The following TMEM245 variants were observed in gnomAD, a reference collection of about 807,000 sequenced individuals.
TMEM245 encodes protein CG-2.
A neutral mutation model predicts 101.2 loss-of-function variants in TMEM245; 69 were observed. That is an observed-to-expected ratio of 0.68 (90% CI 0.56 to 0.83). TMEM245 has a LOEUF of 0.83. Ranked by LOEUF, TMEM245 falls within the 40% of genes least tolerant of loss-of-function variation. The pLI is 0.00. For synonymous variants in TMEM245, 537 were observed against 449.8 expected, an observed-to-expected ratio of 1.19 and a Z score of -2.45; for missense variants, 1,075 against 1,092.8, an observed-to-expected ratio of 0.98 and a Z score of 0.23.
intron 1 of TMEM245, among the ~76,000 whole-genome samples, chr9:109,111,619 T>C (rs1446786423): frequency 2.0e-5 from 3 of 152,200 alleles, no homozygotes; most frequent in Admixed American, 2.0e-4. Context: ...AGAAGCACAC[T>C]GTGCAGACAC....
chr9:109,018,210 T>A lies in TMEM245; in HGVS notation c.*2250A>T, dbSNP rs532247302. ...ATTGTATATATTTGTCTCTTATGAA[T>A]ATGTGCTAATTACATCTATAAATCA... is the stretch of plus-strand genomic sequence containing the variant. On this transcript the variant is annotated 3_prime_UTR_variant, in exon 18 of 18. Transcript: ENST00000374586. 6.6e-6 allele frequency: 1 copy of A among 152,380 alleles called. No individual in the cohort carries two copies. Among genetic ancestry groups the A allele is most frequent in the African/African-American group, 2.4e-5 (1 of 41,602 alleles). The allele number at this position is 152,380 out of a possible 1,614,324, so 9.4% of individuals were successfully genotyped here. A position where few individuals can be genotyped will look rare whatever the true frequency, so the allele number is the denominator to read the frequency against.
At chr9:109,110,223 T>C (rs1830532799) in intron 1 of TMEM245, among the ~76,000 whole-genome samples, 1 of 152,078 alleles carries the variant, frequency 6.6e-6, no homozygotes, top group Non-Finnish European at 1.5e-5. Flanking sequence ...AAAATCTGAG[T>C]ACAATAATAG....
intron 17 of TMEM245, among the ~76,000 whole-genome samples, chr9:109,028,797 G>A (rs965537791): frequency 4.6e-5 from 7 of 152,110 alleles, no homozygotes; most frequent in African/African-American, 1.4e-4. Flanking sequence ...GCCTCTAGGA[G>A]CCATGAGCCT....
intron 17 of TMEM245, among the ~76,000 whole-genome samples, chr9:109,032,906 C>A (rs946764866): frequency 1.4e-5 from 2 of 144,492 alleles, no homozygotes; most frequent in Admixed American, 1.4e-4. Flanking sequence ...TCAAGCAATT[C>A]TTCTGCCTCA....
intron 14 of TMEM245, among the ~76,000 whole-genome samples, chr9:109,040,201 C>T (rs996421408): frequency 6.6e-6 from 1 of 152,140 alleles, no homozygotes; most frequent in East Asian, 1.9e-4. Context: ...AATATATTCC[C>T]CTCTACCTCA....
At chr9:109,092,785 A>C (rs1328888544) in intron 4 of TMEM245, among the ~76,000 whole-genome samples, 1 of 152,224 alleles carries the variant, frequency 6.6e-6, no homozygotes, top group African/African-American at 2.4e-5. Context: ...GCAAGAGTAC[A>C]GCATGACTCT....
At chr9:109,059,320 T>C (rs1037036066) in intron 11 of TMEM245, among the ~76,000 whole-genome samples, 1 of 152,104 alleles carries the variant, frequency 6.6e-6, no homozygotes, top group African/African-American at 2.4e-5. Flanking sequence ...CAAATTCAAA[T>C]TTAAAATCAG....
chr9:109,042,839 A>AT (rs754295748), intron 14 of TMEM245, among the ~76,000 whole-genome samples: 7,739 of 114,994 alleles, frequency 0.067, 418 homozygotes, highest in East Asian at 0.15. Flanking sequence ...ATAGCTGACA[A>AT]TTTTTTTTTT....
chr9:109,040,014 T>C (rs1828255685), intron 14 of TMEM245, among the ~76,000 whole-genome samples: 1 of 152,276 alleles, frequency 6.6e-6, no homozygotes, highest in East Asian at 1.9e-4. Context: ...CCCCTCTGGG[T>C]GGCAAGTAAC....
At chr9:109,041,376 A>G (rs1309615893) in intron 14 of TMEM245, among the ~76,000 whole-genome samples, 1 of 151,860 alleles carries the variant, frequency 6.6e-6, no homozygotes, top group Non-Finnish European at 1.5e-5. Context: ...CACAGCACAG[A>G]TAGACAAATA....
chr9:109,049,516 TTTTTTTG>T (rs1452529979), intron 14 of TMEM245, among the ~76,000 whole-genome samples: 1 of 152,108 alleles, frequency 6.6e-6, no homozygotes, highest in East Asian at 1.9e-4. Flanking sequence ...GCCCAGTCTG[TTTTTTTG>T]TTTTTTAAGA....
At chr9:109,042,451 T>A (rs1465267895) in intron 14 of TMEM245, 2 of 152,384 alleles carry the variant, frequency 1.3e-5, no homozygotes, top group Non-Finnish European at 2.9e-5. Flanking sequence ...CTGGTTGTGA[T>A]CATTTAGTTG....
chr9:109,038,671 T>TTAC (rs1828211943), intron 14 of TMEM245: 2 of 152,154 alleles, frequency 1.3e-5, no homozygotes, highest in African/African-American at 4.8e-5. Flanking sequence ...TTACAAATGC[T>TTAC]ATCAAAGAAA....
At chr9:109,085,212 CCTT>C (rs1169078317) in intron 7 of TMEM245, among the ~76,000 whole-genome samples, 1 of 152,196 alleles carries the variant, frequency 6.6e-6, no homozygotes, top group Non-Finnish European at 1.5e-5. Context: ...CTCAAACAAT[CCTT>C]CTGCCCTAGC....
At chr9:109,036,418 C>T (rs1175680977) in intron 15 of TMEM245, 38 bp from the exon 16 acceptor site, 2 of 1,526,318 alleles carry the variant, frequency 1.3e-6, no homozygotes, top group Non-Finnish European at 1.8e-6. Context: ...TTAACATCAT[C>T]AGCAAAACAC....
chr9:109,105,802 C>T (rs1442743302), intron 3 of TMEM245, among the ~76,000 whole-genome samples: 8 of 151,938 alleles, frequency 5.3e-5, no homozygotes, highest in Admixed American at 3.3e-4. Flanking sequence ...GACGGAGTCT[C>T]GCTCTGTTGC....
chr9:109,087,365 T>A (rs1255261495), intron 5 of TMEM245, 23 bp from the exon 6 acceptor site: 1 of 1,565,586 alleles, frequency 6.4e-7, no homozygotes, highest in Non-Finnish European at 8.6e-7. Context: ...AAAAAATACA[T>A]ATATAAACAA....
chr9:109,034,478 G>A (rs1055940926), intron 16 of TMEM245, among the ~76,000 whole-genome samples: 2 of 151,864 alleles, frequency 1.3e-5, no homozygotes, highest in South Asian at 2.1e-4. Context: ...TTTTTATTCC[G>A]CTCCATCACC....
intron 14 of TMEM245, among the ~76,000 whole-genome samples, chr9:109,041,694 T>C (rs1358661936): frequency 1.3e-5 from 2 of 152,088 alleles, no homozygotes; most frequent in East Asian, 3.9e-4. Context: ...ATGCATTGTA[T>C]ACTTGAAAAC....
Sources: allele counts gnomAD v4.1 joint callset (sites outside exome capture counted in the v4.1 genomes callset), GRCh38; gene constraint gnomAD v4.1.1; transcripts MANE v1.5; gene names NCBI Gene and HGNC (gene_info 2026-07-23, HGNC 2026-07-21).